The following PTPRO variants were observed in gnomAD, a reference collection of about 807,000 sequenced individuals.
The protein encoded by PTPRO is receptor-type tyrosine-protein phosphatase O.
PTPRO carries 62 observed loss-of-function variants against 145.2 expected under a neutral mutation model. The observed-to-expected ratio is 0.43, with a 90% CI of 0.35 to 0.53. The LOEUF is 0.53. Ranked by LOEUF, PTPRO falls within the 20% of genes least tolerant of loss-of-function variation. The probability of loss-of-function intolerance (pLI) is 0.01; values close to 1 mark genes in which losing one functional copy is unlikely to be tolerated. For synonymous variants in PTPRO, 565 were observed against 514.7 expected (o/e 1.10, Z -1.32); for missense variants, 1,345 against 1,482.7 (o/e 0.91, Z 1.53).
At chr12:15,439,691 G>A (rs898224843) in intron 1 of PTPRO, 17 of 462,562 alleles carry the variant, frequency 3.7e-5, no homozygotes, top group East Asian at 6.0e-5. Context: ...AGGCAAGGCC[G>A]AGGATGAGTG....
intron 11 of PTPRO, among the ~76,000 whole-genome samples, chr12:15,525,559 C>A (rs557211347): frequency 4.6e-5 from 7 of 152,146 alleles, no homozygotes; most frequent in African/African-American, 1.7e-4. Flanking sequence ...AGAGAGGAAG[C>A]TTTATCACCA....
intron 2 of PTPRO, among the ~76,000 whole-genome samples, chr12:15,485,692 T>C (rs1480223443): frequency 6.6e-6 from 1 of 152,172 alleles, no homozygotes; most frequent in Non-Finnish European, 1.5e-5. Context: ...AGCTGAATGA[T>C]TCAGCCCTTT....
Position 15,367,505 on chromosome 12 carries a change from T to G in PTPRO, c.75+44704T>G, listed in dbSNP as rs151091072. ...AAGTGGGACCACAGTGAGGGTAATA[T>G]CTATTTTTTTCAGACTCCTAAATTA... is the stretch of plus-strand genomic sequence containing the variant. On this transcript the variant is annotated intron_variant, in intron 1 of 26. Coordinates refer to ENST00000281171, the MANE Select transcript of PTPRO (RefSeq NM_030667.3). Among the ~76,000 whole-genome samples the G allele has an allele frequency of 5.3e-5, 8 of 152,292 alleles. No individual in the cohort carries two copies. In the East Asian group the frequency reaches 1.5e-3, roughly 29 times the overall value.
chr12:15,469,004 A>T (rs1941478902), intron 1 of PTPRO, among the ~76,000 whole-genome samples: 2 of 152,358 alleles, frequency 1.3e-5, no homozygotes, highest in South Asian at 4.1e-4. Context: ...AGTGCTTACA[A>T]AAGGTCACAA....
At position 15,498,507 on chromosome 12, in the gene PTPRO, T is replaced by G. The variant is rs554771851; in HGVS notation, c.509-935T>G. The stretch of plus-strand genomic sequence containing the variant: ...CAGGAGGCAGAGGTTGCAGTGAGCC[T>G]AAATCACATGACTGCACTCCAGCCT... On this transcript the variant is annotated intron_variant, in intron 3 of 26. Transcript: ENST00000281171. 8.5e-5 allele frequency among the ~76,000 whole-genome samples: 13 copies of G among 152,170 alleles called. 2 individuals carry two copies. Among genetic ancestry groups the G allele is most frequent in the African/African-American group, 3.1e-4 (13 of 41,524 alleles).
intron 2 of PTPRO, among the ~76,000 whole-genome samples, chr12:15,496,425 C>T (rs1298339162): frequency 6.6e-6 from 1 of 151,692 alleles, no homozygotes; most frequent in African/African-American, 2.4e-5. Context: ...TACAGGTGAC[C>T]CCAAACCAAA....
intron 1 of PTPRO, among the ~76,000 whole-genome samples, chr12:15,328,312 T>G (rs1866504971): frequency 6.6e-6 from 1 of 152,156 alleles, no homozygotes; most frequent in African/African-American, 2.4e-5. Flanking sequence ...CTTAGCCTTG[T>G]GCCAGAAAAG....
intron 1 of PTPRO, among the ~76,000 whole-genome samples, chr12:15,426,881 G>A (rs1477249224): frequency 6.6e-6 from 1 of 151,900 alleles, no homozygotes; most frequent in African/African-American, 2.4e-5. Context: ...TAATCCTAAT[G>A]GGGTATTGAC....
rs77582118 is a variant in PTPRO, at chr12:15,525,413, G to T, written c.2043+448G>T. ...TAAAGAAACAAACAAAAAGAGAGTG[G>T]CTCAAACAAAATAGAAGTTTATACC... On this transcript the variant is annotated intron_variant, in intron 11 of 26. Transcript: ENST00000281171. Among the ~76,000 whole-genome samples, 1,100 of 152,276 alleles carry T rather than the reference G, an allele frequency of 7.2e-3. 12 individuals are homozygous for T. Among genetic ancestry groups the T allele is most frequent in the African/African-American group, 0.025 (1,052 of 41,568 alleles).
chr12:15,513,153 AAG>A (rs1565675593), intron 7 of PTPRO, among the ~76,000 whole-genome samples: 1 of 34,704 alleles, frequency 2.9e-5, no homozygotes, highest in Non-Finnish European at 6.1e-5. Context: ...GAAAGAAAGA[AAG>A]AAAAAGAAAG....
At chr12:15,340,637 A>G (rs1490354476) in intron 1 of PTPRO, among the ~76,000 whole-genome samples, 1 of 152,216 alleles carries the variant, frequency 6.6e-6, no homozygotes, top group Non-Finnish European at 1.5e-5. Flanking sequence ...ATAATTACAC[A>G]GAGCTGAATG....
intron 1 of PTPRO, among the ~76,000 whole-genome samples, chr12:15,364,355 T>C (rs1233323823): frequency 6.6e-6 from 1 of 152,182 alleles, no homozygotes; most frequent in Non-Finnish European, 1.5e-5. Context: ...TCTTGGCTTC[T>C]CTCTCTACAA....
chr12:15,462,367 C>A (rs1006746702), intron 1 of PTPRO, among the ~76,000 whole-genome samples: 2 of 152,078 alleles, frequency 1.3e-5, no homozygotes, highest in Non-Finnish European at 2.9e-5. Flanking sequence ...CTCAAGTGAC[C>A]CACCCGCCTC....
intron 1 of PTPRO, among the ~76,000 whole-genome samples, chr12:15,407,413 A>T (rs903416123): frequency 6.6e-6 from 1 of 152,116 alleles, no homozygotes; most frequent in Non-Finnish European, 1.5e-5. Flanking sequence ...AATCCGTAAA[A>T]CCTAGTGCAG....
At chr12:15,411,811 T>G (rs1217819223) in intron 1 of PTPRO, among the ~76,000 whole-genome samples, 2 of 152,234 alleles carry the variant, frequency 1.3e-5, no homozygotes, top group Non-Finnish European at 2.9e-5. Flanking sequence ...ATTGGTTATT[T>G]GCTACGAAGA....
At chr12:15,417,103 C>T (rs1450025538) in intron 1 of PTPRO, among the ~76,000 whole-genome samples, 1 of 151,666 alleles carries the variant, frequency 6.6e-6, no homozygotes, top group African/African-American at 2.4e-5. Context: ...GAATGATCCT[C>T]TCCTTTACTC....
At chr12:15,389,428 G>A (rs998205049) in intron 1 of PTPRO, among the ~76,000 whole-genome samples, 4 of 152,000 alleles carry the variant, frequency 2.6e-5, no homozygotes, top group African/African-American at 9.7e-5. Context: ...TCTTTAAATA[G>A]CCAGGTAATA....
intron 1 of PTPRO, among the ~76,000 whole-genome samples, chr12:15,349,471 C>A (rs894027565): frequency 6.6e-6 from 1 of 152,218 alleles, no homozygotes. Flanking sequence ...GCAGAGACTA[C>A]TACCATAGGC....
chr12:15,404,766 A>T lies in PTPRO; in HGVS notation c.76-79208A>T, dbSNP rs190385496. ...TCACTCTATGTGTCAACTGACTTCC[A>T]TACAGTTGGAGAAGCACCTTATCTC... On this transcript the variant is annotated intron_variant, in intron 1 of 26. Coordinates refer to ENST00000281171, the MANE Select transcript of PTPRO (RefSeq NM_030667.3). Among the ~76,000 whole-genome samples the T allele has an allele frequency of 3.9e-5, 6 of 152,352 alleles. No homozygotes were observed. In the East Asian group the frequency reaches 1.2e-3, roughly 29 times the overall value.
Sources: allele counts gnomAD v4.1 joint callset (sites outside exome capture counted in the v4.1 genomes callset), GRCh38; gene constraint gnomAD v4.1.1; transcripts MANE v1.5; gene names NCBI Gene and HGNC (gene_info 2026-07-23, HGNC 2026-07-21).